The following GSDMC variants were observed in gnomAD, a reference collection of about 807,000 sequenced individuals.
GSDMC encodes gasdermin C, also known as gasdermin-C.
Under a neutral mutation model 58.0 loss-of-function variants are expected in GSDMC, and 59 were observed. That is an observed-to-expected ratio of 1.02 (90% CI 0.82 to 1.26). The LOEUF is 1.26. GSDMC is among the 50% of genes most tolerant of loss of function. GSDMC has a pLI of 0.00. For missense variants in GSDMC, 659 were observed against 598.5 expected (o/e 1.10, Z -1.06); for synonymous variants, 241 against 220.2 (o/e 1.09, Z -0.83).
the GSDMC span, among the ~76,000 whole-genome samples, chr8:129,732,331 A>G: frequency 6.6e-6 from 1 of 151,934 alleles, no homozygotes; most frequent in South Asian, 2.1e-4. Context: ...AGAGGGCTAT[A>G]GAAGGAAAGC....
At chr8:129,770,368 C>T (rs2034008337) in intron 3 of GSDMC, among the ~76,000 whole-genome samples, 1 of 152,114 alleles carries the variant, frequency 6.6e-6, no homozygotes, top group East Asian at 1.9e-4. Context: ...TGGTGGCACA[C>T]ACCTATAGTC....
the GSDMC span, among the ~76,000 whole-genome samples, chr8:129,727,007 C>CAT: frequency 7.8e-6 from 1 of 128,972 alleles, no homozygotes; most frequent in Middle Eastern, 3.7e-3. Flanking sequence ...CATACACACA[C>CAT]ACACACACAC....
the GSDMC span, chr8:129,730,141 C>A: frequency 1.0e-6 from 1 of 996,046 alleles, no homozygotes. Context: ...AGAGATCTCA[C>A]CCGAAAAAAT....
In GSDMC at chr8:129,750,517, G is replaced by T. The variant is rs2033146304; in HGVS notation, c.997C>A (p.Leu333Ile). Residue 333 changes from leucine to isoleucine, a missense_variant, in exon 11 of 14, where the codon CTC becomes ATC. Coordinates refer to ENST00000276708, the MANE Select transcript of GSDMC (RefSeq NM_031415.3). Reference protein sequence around the residue: ...VFQKIKTLAQLSKDVQDVMFY... With the variant: ...VFQKIKTLAQISKDVQDVMFY... The stretch of plus-strand genomic sequence containing the variant: ...ATGACATCCTGAACATCCTTTGAGA[G>T]CTGAGCCAGTGTCTTTATTTTCTGG... The T allele has an allele frequency of 6.2e-7, 1 of 1,613,756 alleles. No individual in the cohort carries two copies. Among genetic ancestry groups the T allele is most frequent in the Non-Finnish European group, 8.5e-7 (1 of 1,179,646 alleles).
At chr8:129,757,691 C>T (rs865860146) in intron 6 of GSDMC, among the ~76,000 whole-genome samples, 1 of 152,022 alleles carries the variant, frequency 6.6e-6, no homozygotes, top group African/African-American at 2.4e-5. Flanking sequence ...TTCAATGAAA[C>T]ATTAACAAGG....
intron 3 of GSDMC, 109 bp from the exon 4 acceptor site, chr8:129,765,902 G>C: frequency 1.3e-6 from 1 of 767,538 alleles, no homozygotes; most frequent in Non-Finnish European, 2.1e-6. Context: ...AATGGCTTTG[G>C]ACCCTGACAG....
intron 4 of GSDMC, among the ~76,000 whole-genome samples, chr8:129,765,372 A>G (rs1427625047): frequency 2.6e-5 from 4 of 152,168 alleles, no homozygotes; most frequent in Admixed American, 2.0e-4. Flanking sequence ...AAAACACAAT[A>G]CTAAATAATT....
At chr8:129,727,236 T>C in the GSDMC span, among the ~76,000 whole-genome samples, 1 of 152,196 alleles carries the variant, frequency 6.6e-6, no homozygotes, top group African/African-American at 2.4e-5. Flanking sequence ...TATGTCCTTA[T>C]AAGAAAAGAC....
the GSDMC span, among the ~76,000 whole-genome samples, chr8:129,723,419 CTTTTTT>C: frequency 0.027 from 3,596 of 133,412 alleles, 165 homozygotes; most frequent in African/African-American, 0.088. Context: ...TTTTCTTCTC[CTTTTTT>C]TTTTTTTTTT....
At chr8:129,706,972 A>AAT in the GSDMC span, 2 of 152,172 alleles carry the variant, frequency 1.3e-5, no homozygotes, top group African/African-American at 4.8e-5. Context: ...GAAAATAGAG[A>AAT]ATATTTAATA....
At chr8:129,726,771 C>T in the GSDMC span, among the ~76,000 whole-genome samples, 1 of 137,314 alleles carries the variant, frequency 7.3e-6, no homozygotes, top group African/African-American at 2.6e-5. Context: ...TCCCTCCCCC[C>T]ACCCACCCCC....
At chr8:129,759,249 T>A (rs2033564141) in intron 6 of GSDMC, among the ~76,000 whole-genome samples, 1 of 152,138 alleles carries the variant, frequency 6.6e-6, no homozygotes, top group African/African-American at 2.4e-5. Flanking sequence ...GGCCTCAAAC[T>A]ATGAAACTAC....
chr8:129,735,248 GA>G, the GSDMC span, among the ~76,000 whole-genome samples: 1 of 152,070 alleles, frequency 6.6e-6, no homozygotes, highest in Non-Finnish European at 1.5e-5. Flanking sequence ...ACAGATCAAC[GA>G]GACATAAGAT....
chr8:129,716,336 A>G, the GSDMC span, among the ~76,000 whole-genome samples: 2 of 152,226 alleles, frequency 1.3e-5, no homozygotes, highest in Non-Finnish European at 2.9e-5. Flanking sequence ...ATTAATACCA[A>G]TCAAAAGAAA....
chr8:129,772,492 G>GT (rs2034094921), intron 3 of GSDMC, among the ~76,000 whole-genome samples: 1 of 152,076 alleles, frequency 6.6e-6, no homozygotes, highest in South Asian at 2.1e-4. Flanking sequence ...CCTATTATCT[G>GT]TAATTAAATA....
At chr8:129,714,230 A>G in the GSDMC span, among the ~76,000 whole-genome samples, 2 of 152,206 alleles carry the variant, frequency 1.3e-5, no homozygotes, top group Non-Finnish European at 2.9e-5. Flanking sequence ...ACTCCTTCAC[A>G]CTGAGCTGCC....
chr8:129,776,146 T>G lies in GSDMC; in HGVS notation c.360A>C (p.Gln120His). The G allele has an allele frequency of 1.2e-6, 2 of 1,614,072 alleles. No homozygotes were observed. Among genetic ancestry groups the G allele is most frequent in the Non-Finnish European group, 1.7e-6 (2 of 1,179,982 alleles). Residue 120 changes from glutamine (Q) to histidine (H), a missense_variant, in exon 3 of 14, where the codon CAA becomes CAC. Coordinates refer to ENST00000276708, the MANE Select transcript of GSDMC (RefSeq NM_031415.3). ...GGTTTGGTGATGGGATGGTAACAATTTGAAACTCGAGGGAGCATCCATGGT... is the reference window on the plus strand; with the variant it reads ...GGTTTGGTGATGGGATGGTAACAATGTGAAACTCGAGGGAGCATCCATGGT... ...SVDHGCSLEF[Q>H]IVTIPSPNLE...
intron 6 of GSDMC, among the ~76,000 whole-genome samples, chr8:129,759,674 C>T (rs139110538): frequency 1.3e-5 from 2 of 152,136 alleles, no homozygotes; most frequent in African/African-American, 4.8e-5. Context: ...TATTATCTCA[C>T]CCCTGTTAAA....
At chr8:129,732,315 A>G in the GSDMC span, among the ~76,000 whole-genome samples, 1 of 151,732 alleles carries the variant, frequency 6.6e-6, no homozygotes, top group South Asian at 2.1e-4. Context: ...TTGCTGAAAG[A>G]AGTGCAGAGG....
Sources: gnomAD v4.1 joint callset for allele counts (sites outside exome capture counted in the v4.1 genomes callset) on GRCh38, gnomAD v4.1.1 for gene constraint, MANE v1.5 for transcripts, NCBI Gene and HGNC (gene_info 2026-07-23, HGNC 2026-07-21) for gene names.